Variants in IPO9 observed in about 807,000 individuals in gnomAD.
IPO9 encodes the protein importin 9.
A neutral mutation model predicts 128.6 loss-of-function variants in IPO9; 28 were observed. The observed-to-expected ratio is 0.22, with a 90% CI of 0.16 to 0.30. The LOEUF is 0.30. Ranked by LOEUF, IPO9 falls within the 10% of genes least tolerant of loss-of-function variation. The pLI, the probability that IPO9 is intolerant of heterozygous loss-of-function variation, is 1.00. For missense variants in IPO9, 935 were observed against 1,293.9 expected, an observed-to-expected ratio of 0.72 and a Z score of 4.26; for synonymous variants, 455 against 475.8, an observed-to-expected ratio of 0.96 and a Z score of 0.57.
rs577071992 is a variant in IPO9, at chr1:201,855,197, T to G, written c.970+15T>G. The G allele has an allele frequency of 1.4e-5, 22 of 1,544,480 alleles. No homozygotes were observed. The South Asian group carries it at 2.5e-4, about 17-fold the overall frequency. Reference sequence around the variant, plus strand: ...GGATTCTGATGGTATGTAGTTTATTTGATCTTTATAGAAATACCAGTTAGT... The same window carrying G: ...GGATTCTGATGGTATGTAGTTTATTGGATCTTTATAGAAATACCAGTTAGT... On this transcript the variant is annotated intron_variant, in intron 9 of 23. Coordinates refer to ENST00000361565, the MANE Select transcript of IPO9 (RefSeq NM_018085.5).
chr1:201,854,620 C>G lies in IPO9; in HGVS notation c.716C>G (p.Pro239Arg), dbSNP rs753743345. ...EKGAAKVLIF[P>R]VVQQFTEAFV... Reference sequence around the variant, plus strand: ...GGTGCAGCCAAAGTCCTGATCTTTCCCGTGGTACAGCAGTTCACAGAGGCC... The same window carrying G: ...GGTGCAGCCAAAGTCCTGATCTTTCGCGTGGTACAGCAGTTCACAGAGGCC... The change falls in exon 7 of 24, where the codon CCC becomes CGC. Residue 239 changes from proline to arginine, a missense_variant. This residue lies in a region of IPO9 where 741 missense variants were observed against 1,019.1 expected (regional missense o/e 0.73). Coordinates refer to ENST00000361565, the MANE Select transcript of IPO9 (RefSeq NM_018085.5). 55 of 1,613,914 alleles carry G rather than the reference C, an allele frequency of 3.4e-5. No homozygotes were observed. In the East Asian group the frequency reaches 1.2e-3, roughly 36 times the overall value.
rs1680878507 is a variant in IPO9 at position 201,881,198 on chromosome 1, A to G, written c.*5144A>G. 1 of 152,226 alleles carries G rather than the reference A, an allele frequency of 6.6e-6. No homozygotes were observed. The highest frequency in any genetic ancestry group is 2.4e-5 in the African/African-American group (1 of 41,436). 9.4% of individuals were successfully genotyped at this position (152,226 alleles called of 1,614,324 possible). A position where few individuals can be genotyped will look rare whatever the true frequency, so the allele number is the denominator to read the frequency against. Reference sequence around the variant, plus strand: ...AGAAGGCAACCCTTGAACACTTGCAAGGAGCTAACAATACCTGCTTCTGGA... The same window carrying G: ...AGAAGGCAACCCTTGAACACTTGCAGGGAGCTAACAATACCTGCTTCTGGA... On this transcript the variant is annotated 3_prime_UTR_variant, in exon 24 of 24. Coordinates refer to ENST00000361565, the MANE Select transcript of IPO9 (RefSeq NM_018085.5).
intron 9 of IPO9, 94 bp from the exon 10 acceptor site, chr1:201,855,689 A>G (rs1680316975): frequency 1.8e-6 from 2 of 1,099,012 alleles, no homozygotes; most frequent in Non-Finnish European, 2.6e-6. Flanking sequence ...TTAAATATTC[A>G]GTAATTTACA....
intron 13 of IPO9, 41 bp downstream of exon 13, chr1:201,859,035 A>G (rs1328918042): frequency 1.3e-6 from 2 of 1,580,944 alleles, no homozygotes; most frequent in Admixed American, 1.7e-5. Flanking sequence ...AACTCTTTAA[A>G]CCTGTTGTGG....
intron 14 of IPO9, 45 bp downstream of exon 14, chr1:201,863,652 G>A (rs1217397801): frequency 6.7e-7 from 1 of 1,499,310 alleles, no homozygotes; most frequent in African/African-American, 1.4e-5. Context: ...AAGTTGCTCA[G>A]GTTAGATATA....
chr1:201,858,384 G>T, intron 11 of IPO9, 63 bp from the exon 12 acceptor site: 1 of 830,672 alleles, frequency 1.2e-6, no homozygotes, highest in South Asian at 2.3e-5. Flanking sequence ...TGACTGAAGC[G>T]GTTTACAATT....
At position 201,883,927 on chromosome 1, in the gene IPO9, A is replaced by G. The variant is rs996980507; in HGVS notation, c.*7873A>G. On this transcript the variant is annotated 3_prime_UTR_variant, in exon 24 of 24. Coordinates refer to ENST00000361565, the MANE Select transcript of IPO9 (RefSeq NM_018085.5). ...TGAGTAAGTTCTTTTTCCCTTGAAC[A>G]GGGAGAGAGACACAATGGATCAGAG... 2 of 152,240 alleles carry G rather than the reference A, an allele frequency of 1.3e-5. No individual in the cohort carries two copies. The highest frequency in any genetic ancestry group is 4.8e-5 in the African/African-American group (2 of 41,456). The allele number at this position is 152,240 out of a possible 1,614,324, so 9.4% of individuals were successfully genotyped here.
Position 201,839,340 on chromosome 1 carries a change from C to T in IPO9, c.164-7939C>T, listed in dbSNP as rs140642214. Among the ~76,000 whole-genome samples, 778 of 152,058 alleles carry T rather than the reference C, an allele frequency of 5.1e-3. 5 individuals carry two copies. The highest frequency in any genetic ancestry group is 0.018 in the African/African-American group (734 of 41,498). ...CAAGTGATTCTCGTGCCTCAGCCTC[C>T]CAAGTAGCTGGGACTTCAGTCACGC... is the stretch of plus-strand genomic sequence containing the variant. On this transcript the variant is annotated intron_variant, in intron 1 of 23. Coordinates refer to ENST00000361565, the MANE Select transcript of IPO9 (RefSeq NM_018085.5).
rs1680831915 is a variant in IPO9, at chr1:201,879,007, ACAG to A, written c.*2958_*2960del. On this transcript the variant is annotated 3_prime_UTR_variant, in exon 24 of 24. Transcript: ENST00000361565. ...GACATTTTAGTCTCCTGACTGGTAA[ACAG>A]CAGCTGGGGCACCAAGGGGCTCCCA... is the stretch of plus-strand genomic sequence containing the variant. 6.6e-6 allele frequency: 1 copy of A among 152,328 alleles called. No individual in the cohort carries two copies. Among genetic ancestry groups the A allele is most frequent in the African/African-American group, 2.4e-5 (1 of 41,588 alleles). The allele number at this position is 152,328 out of a possible 1,614,324, so 9.4% of individuals were successfully genotyped here.
At chr1:201,829,518 C>T in intron 1 of IPO9, 146 bp downstream of exon 1, 1 of 631,824 alleles carries the variant, frequency 1.6e-6, no homozygotes, top group South Asian at 3.4e-5. Context: ...ATTGATGTCG[C>T]TGGTGGTTGT....
At chr1:201,868,579 G>A (rs1680596140) in intron 15 of IPO9, 69 bp from the exon 16 acceptor site, 2 of 1,524,438 alleles carry the variant, frequency 1.3e-6, no homozygotes, top group African/African-American at 2.7e-5. Flanking sequence ...CAAACAACAG[G>A]CATCATTAAG....
chr1:201,856,244 T>A (rs543989204), intron 10 of IPO9, among the ~76,000 whole-genome samples: 9 of 151,846 alleles, frequency 5.9e-5, no homozygotes, highest in Non-Finnish European at 1.2e-4. Flanking sequence ...GTGCTGGGAT[T>A]ACAGGCATGA....
intron 12 of IPO9, 80 bp downstream of exon 12, chr1:201,858,633 A>T (rs1680378682): frequency 1.6e-5 from 15 of 937,490 alleles, no homozygotes; most frequent in Non-Finnish European, 2.2e-5. Context: ...ATTTATTTTT[A>T]TCTTAATTTG....
Position 201,863,440 on chromosome 1 carries a change from T to C in IPO9, c.1469-8T>C. 6.4e-7 allele frequency: 1 copy of C among 1,562,594 alleles called. No individual in the cohort carries two copies. Among genetic ancestry groups the C allele is most frequent in the South Asian group, 1.2e-5 (1 of 86,850 alleles). ...TTCCAGCCCCTAATTGTTCTGTCTTTCTCCCAGTGTCTCCTTTCCTCTTGG... is the reference window on the plus strand; with the variant it reads ...TTCCAGCCCCTAATTGTTCTGTCTTCCTCCCAGTGTCTCCTTTCCTCTTGG... On this transcript the variant is annotated splice_region_variant and splice_polypyrimidine_tract_variant and intron_variant, in intron 13 of 23. Coordinates refer to ENST00000361565, the MANE Select transcript of IPO9 (RefSeq NM_018085.5).
At position 201,854,598 on chromosome 1, in the gene IPO9, G is replaced by A. The variant is rs763094210; in HGVS notation, c.694G>A (p.Ala232Thr). The A allele has an allele frequency of 6.2e-7, 1 of 1,613,716 alleles. No homozygotes were observed. Among genetic ancestry groups the A allele is most frequent in the South Asian group, 1.1e-5 (1 of 91,026 alleles). ...ICNMEELEKG[A>T]AKVLIFPVVQ... ...TGACTTTGGTTTCTGTTATCAGGGT[G>A]CAGCCAAAGTCCTGATCTTTCCCGT... Residue 232 changes from alanine to threonine, a missense_variant, in exon 7 of 24, where the codon GCA becomes ACA. Transcript: ENST00000361565.
rs1199616651 is a variant in IPO9 at position 201,863,561 on chromosome 1, A to G, written c.1582A>G (p.Thr528Ala). The G allele has an allele frequency of 6.2e-7, 1 of 1,604,082 alleles. No homozygotes were observed. The highest frequency in any genetic ancestry group is 1.3e-5 in the African/African-American group (1 of 74,790). ...GGCAACAGTTAGTGGTCTTCACGAGACACAGCCCCCATCAGTTCGAATTTC... is the reference window on the plus strand; with the variant it reads ...GGCAACAGTTAGTGGTCTTCACGAGGCACAGCCCCCATCAGTTCGAATTTC... Reference protein sequence around the residue: ...LQATVSGLHETQPPSVRISAV... With the variant: ...LQATVSGLHEAQPPSVRISAV... The change falls in exon 14 of 24, where the codon ACA (threonine) becomes GCA (alanine). Residue 528 changes from threonine to alanine, a missense_variant. Transcript: ENST00000361565.
At chr1:201,875,326 A>C in intron 23 of IPO9, 98 bp downstream of exon 23, 7 of 1,078,690 alleles carry the variant, frequency 6.5e-6, no homozygotes, top group Non-Finnish European at 1.0e-5. Context: ...ATGGTGGCTC[A>C]TGCCTGTAAT....
intron 11 of IPO9, 36 bp from the exon 12 acceptor site, chr1:201,858,411 G>A (rs1199679970): frequency 2.5e-6 from 3 of 1,221,086 alleles, no homozygotes; most frequent in Admixed American, 4.7e-5. Flanking sequence ...CATTTAATGG[G>A]CACAAACAGA....
intron 5 of IPO9, among the ~76,000 whole-genome samples, chr1:201,852,642 G>A (rs918663785): frequency 1.5e-4 from 23 of 152,136 alleles, no homozygotes; most frequent in African/African-American, 5.6e-4. Context: ...ATACCTGATG[G>A]ATAATGTTTT....
Sources: gnomAD v4.1 joint callset for allele counts (sites outside exome capture counted in the v4.1 genomes callset) on GRCh38, gnomAD v4.1.1 for gene constraint, gnomAD v4.1.1 regional missense constraint, MANE v1.5 for transcripts, NCBI Gene and HGNC (gene_info 2026-07-23, HGNC 2026-07-21) for gene names.